The following TOP6BL variants were observed in gnomAD, a reference collection of about 807,000 sequenced individuals.
TOP6BL encodes the protein TOP6B like initiator of meiotic double strand breaks.
the TOP6BL span, among the ~76,000 whole-genome samples, chr11:66,833,566 G>A: frequency 6.6e-6 from 1 of 152,098 alleles, no homozygotes; most frequent in East Asian, 1.9e-4. Flanking sequence ...CAGGATATAA[G>A]CGCAGAGGGA....
At chr11:66,782,496 C>CT in the TOP6BL span, among the ~76,000 whole-genome samples, 1 of 152,140 alleles carries the variant, frequency 6.6e-6, no homozygotes, top group African/African-American at 2.4e-5. Flanking sequence ...ATTCCAGGTA[C>CT]TTTCACAACT....
At chr11:66,808,435 G>A in the TOP6BL span, among the ~76,000 whole-genome samples, 25 of 152,142 alleles carry the variant, frequency 1.6e-4, no homozygotes, top group South Asian at 5.2e-3. Flanking sequence ...GGCTGAAGTG[G>A]GAAGATTGCT....
chr11:66,762,044 A>C, the TOP6BL span: 1 of 1,397,826 alleles, frequency 7.2e-7, no homozygotes, highest in Non-Finnish European at 1.0e-6. Context: ...CCCCCCAGCA[A>C]CTTTCCGCAC....
At chr11:66,773,705 T>C in the TOP6BL span, among the ~76,000 whole-genome samples, 2 of 152,284 alleles carry the variant, frequency 1.3e-5, no homozygotes, top group African/African-American at 4.8e-5. Context: ...GAGACAGTTC[T>C]ACGCTAAAGT....
chr11:66,790,604 A>G, the TOP6BL span, among the ~76,000 whole-genome samples: 1 of 152,242 alleles, frequency 6.6e-6, no homozygotes, highest in Non-Finnish European at 1.5e-5. Context: ...GATCAAAACA[A>G]ACATTTAGAA....
At chr11:66,765,064 A>G in the TOP6BL span, among the ~76,000 whole-genome samples, 6 of 152,184 alleles carry the variant, frequency 3.9e-5, no homozygotes, top group East Asian at 1.9e-4. Context: ...ATGTGCTTGT[A>G]CAAGGAGTGG....
the TOP6BL span, among the ~76,000 whole-genome samples, chr11:66,746,209 T>G: frequency 6.6e-6 from 1 of 152,212 alleles, no homozygotes; most frequent in African/African-American, 2.4e-5. Context: ...GGATCTTAGT[T>G]CCCAGATCTC....
chr11:66,810,503 A>G, the TOP6BL span, among the ~76,000 whole-genome samples: 1 of 152,168 alleles, frequency 6.6e-6, no homozygotes, highest in East Asian at 1.9e-4. Flanking sequence ...TTCTCTAAAG[A>G]TGGTTTTGAG....
chr11:66,842,737 G>A, the TOP6BL span: 39 of 1,077,392 alleles, frequency 3.6e-5, no homozygotes, highest in Non-Finnish European at 4.9e-5. Flanking sequence ...TGCTGACAGG[G>A]ATGCGGTGGG....
chr11:66,832,366 C>G, the TOP6BL span, among the ~76,000 whole-genome samples: 445 of 152,318 alleles, frequency 2.9e-3, 1 homozygote, highest in African/African-American at 9.9e-3. Flanking sequence ...TCCCAAAGTG[C>G]TGGGATTACA....
At chr11:66,822,594 G>C in the TOP6BL span, 2 of 1,552,808 alleles carry the variant, frequency 1.3e-6, no homozygotes, top group Non-Finnish European at 1.7e-6. Flanking sequence ...CTCACTCTCA[G>C]TGGCTGTGAA....
chr11:66,831,083 C>T, the TOP6BL span, among the ~76,000 whole-genome samples: 2 of 152,140 alleles, frequency 1.3e-5, no homozygotes, highest in African/African-American at 2.4e-5. Context: ...CATTTCATAC[C>T]ACTGGAATAA....
At chr11:66,755,120 G>T in the TOP6BL span, among the ~76,000 whole-genome samples, 211 of 138,612 alleles carry the variant, frequency 1.5e-3, no homozygotes, top group African/African-American at 5.8e-3. Context: ...GTAGTTTCTA[G>T]ATTTTTTTTT....
chr11:66,764,496 CAAAAAAA>C, the TOP6BL span, among the ~76,000 whole-genome samples: 2 of 58,636 alleles, frequency 3.4e-5, no homozygotes, highest in Admixed American at 2.0e-4. Flanking sequence ...ACTAAAAATA[CAAAAAAA>C]AAAAAAAAAA....
At chr11:66,840,501 A>G in the TOP6BL span, among the ~76,000 whole-genome samples, 1 of 152,086 alleles carries the variant, frequency 6.6e-6, no homozygotes, top group African/African-American at 2.4e-5. Flanking sequence ...CAGCAGGTCA[A>G]GCTCTCATTT....
the TOP6BL span, among the ~76,000 whole-genome samples, chr11:66,763,444 A>G: frequency 6.6e-6 from 1 of 152,108 alleles, no homozygotes; most frequent in Non-Finnish European, 1.5e-5. Context: ...ATTGTGGAGG[A>G]AAAGTAATAA....
At chr11:66,818,830 A>T in the TOP6BL span, among the ~76,000 whole-genome samples, 3 of 152,194 alleles carry the variant, frequency 2.0e-5, no homozygotes, top group Admixed American at 6.5e-5. Context: ...ATTCCTTAAG[A>T]ACTCAGATTC....
At chr11:66,746,497 C>T in the TOP6BL span, among the ~76,000 whole-genome samples, 2 of 152,004 alleles carry the variant, frequency 1.3e-5, no homozygotes, top group Non-Finnish European at 2.9e-5. Context: ...GGCGGATCAC[C>T]TGAGGTCGGG....
At chr11:66,843,355 CCCGGG>C in the TOP6BL span, 1 of 1,461,344 alleles carries the variant, frequency 6.8e-7, no homozygotes, top group African/African-American at 1.4e-5. Context: ...CCGCGTCGGG[CCCGGG>C]CGGGGCGGGG....
Sources: gnomAD v4.1 joint callset for allele counts (sites outside exome capture counted in the v4.1 genomes callset) on GRCh38, gnomAD v4.1.1 for gene constraint, MANE v1.5 for transcripts, NCBI Gene and HGNC (gene_info 2026-07-23, HGNC 2026-07-21) for gene names.